Variants in COL6A3 observed in about 807,000 individuals in gnomAD.
The protein encoded by COL6A3 is collagen type VI alpha 3 chain.
A neutral mutation model predicts 274.1 loss-of-function variants in COL6A3; 137 were observed. The observed-to-expected ratio is 0.50, with a 90% confidence interval of 0.44 to 0.58. COL6A3 has a LOEUF of 0.58. Ranked by LOEUF, COL6A3 falls within the 20% of genes least tolerant of loss-of-function variation. The pLI, the probability that COL6A3 is intolerant of heterozygous loss-of-function variation, is 0.00. For missense variants in COL6A3, 3,950 were observed against 4,124.9 expected, an observed-to-expected ratio of 0.96 and a Z score of 1.16; for synonymous variants, 1,650 against 1,650.6, an observed-to-expected ratio of 1.00 and a Z score of 0.01.
intron 36 of COL6A3, 113 bp from the exon 37 acceptor site, chr2:237,342,274 TA>T: frequency 1.2e-6 from 1 of 810,304 alleles, no homozygotes; most frequent in South Asian, 1.5e-5. Flanking sequence ...AACTTCCCAA[TA>T]GGGCAGTATT....
chr2:237,371,710 A>G lies in COL6A3; in HGVS notation c.4285+22T>C. The G allele has an allele frequency of 1.3e-6, 2 of 1,562,206 alleles. No homozygotes were observed. The highest frequency in any genetic ancestry group is 1.7e-6 in the Non-Finnish European group (2 of 1,155,016). Reference sequence around the variant, plus strand: ...TCATATGGAAAATGCTCCAAGGAGAACCTCCGACGCCCCCATCTCACCTGG... The same window carrying G: ...TCATATGGAAAATGCTCCAAGGAGAGCCTCCGACGCCCCCATCTCACCTGG... On this transcript the variant is annotated intron_variant, in intron 9 of 43. Transcript: ENST00000295550. This position sits in a 1 kb window ranked among gnomAD's most constrained non-coding sequence, Gnocchi z 4.3.
intron 26 of COL6A3, among the ~76,000 whole-genome samples, chr2:237,351,711 C>T (rs2077210221): frequency 6.6e-6 from 1 of 152,212 alleles, no homozygotes; most frequent in Admixed American, 6.5e-5. Context: ...TACTGGATAA[C>T]TATTTGAATA....
chr2:237,380,275 C>A (rs1325072863), intron 5 of COL6A3, among the ~76,000 whole-genome samples: 1 of 152,216 alleles, frequency 6.6e-6, no homozygotes, highest in Admixed American at 6.5e-5. Context: ...ATCTTCTCTT[C>A]ATTAAGGGCA....
chr2:237,344,841 G>A lies in COL6A3; in HGVS notation c.7177C>T (p.Pro2393Ser), dbSNP rs778720252. ...IKDKCPCCYG[P>S]LECPVFPTEL... is the part of the protein sequence containing the mutation. Reference sequence around the variant, plus strand: ...GTTGGGAAGACGGGGCACTCCAGGGGCCCTGTGGAAAGTAGAGGGTGGAGG... The same window carrying A: ...GTTGGGAAGACGGGGCACTCCAGGGACCCTGTGGAAAGTAGAGGGTGGAGG... The change falls in exon 36 of 44, where the codon CCC (proline) becomes TCC (serine). Residue 2393 changes from proline to serine, a missense_variant and splice_region_variant. By Grantham distance (74) the Pro-to-Ser change is moderately conservative (BLOSUM62 -1). This residue lies in a region of COL6A3 where 1,284 missense variants were observed against 1,349.7 expected (regional missense o/e 0.95). Transcript: ENST00000295550. This position sits in a 1 kb window ranked among gnomAD's most constrained non-coding sequence, Gnocchi z 4.8. 14 of 1,613,216 alleles carry A rather than the reference G, an allele frequency of 8.7e-6. No homozygotes were observed. The highest frequency in any genetic ancestry group is 1.7e-5 in the Admixed American group (1 of 60,004).
chr2:237,351,604 A>T (rs189679679), intron 26 of COL6A3, among the ~76,000 whole-genome samples: 335 of 152,340 alleles, frequency 2.2e-3, no homozygotes, highest in African/African-American at 7.6e-3. Context: ...AAACTGATGG[A>T]TGAAATTAAC....
intron 19 of COL6A3, 42 bp from the exon 20 acceptor site, chr2:237,359,130 C>G (rs1255615060): frequency 6.2e-7 from 1 of 1,613,810 alleles, no homozygotes. Flanking sequence ...GCTGCAATTT[C>G]TATCACAGAC....
chr2:237,326,396 G>A (rs1395393478), intron 42 of COL6A3: 1 of 152,166 alleles, frequency 6.6e-6, no homozygotes, highest in Non-Finnish European at 1.5e-5. Context: ...CTATTTTGAA[G>A]ACAGAGAAGC....
At position 237,368,568 on chromosome 2, in the gene COL6A3, C is replaced by A. The variant is rs111231885; in HGVS notation, c.4895G>T (p.Arg1632Leu). The A allele has an allele frequency of 6.2e-7, 1 of 1,614,032 alleles. No homozygotes were observed. Among genetic ancestry groups the A allele is most frequent in the Non-Finnish European group, 8.5e-7 (1 of 1,179,978 alleles). Residue 1632 changes from arginine to leucine, a missense_variant, in exon 10 of 44, where the codon CGG becomes CTG. Physicochemically the swap from Arg to Leu is moderately radical, Grantham distance 102. Around this residue, in one of 5 missense-constraint regions of COL6A3, gnomAD observed 632 missense variants for 623.4 expected, o/e 1.01. Coordinates refer to ENST00000295550, the MANE Select transcript of COL6A3 (RefSeq NM_004369.4). This position sits in a 1 kb window ranked among gnomAD's most constrained non-coding sequence, Gnocchi z 4.4. ...ATGGGTCACACGGTGCATACCTGGCCGTGAAGGAGGAGGGGTGTCCACCCC... is the reference window on the plus strand; with the variant it reads ...ATGGGTCACACGGTGCATACCTGGCAGTGAAGGAGGAGGGGTGTCCACCCC... ...PPGVDTPPPS[R>L]PEKKKADIVF...
Position 237,378,798 on chromosome 2 carries a change from T to C in COL6A3, c.2335A>G (p.Ser779Gly). 6.2e-7 allele frequency: 1 copy of C among 1,614,234 alleles called. No individual in the cohort carries two copies. The change falls in exon 6 of 44, where the codon AGC (serine) becomes GGC (glycine). Residue 779 changes from serine (S) to glycine (G), a missense_variant. Ser to Gly is a moderately conservative substitution (Grantham distance 56, BLOSUM62 0). Coordinates refer to ENST00000295550, the MANE Select transcript of COL6A3 (RefSeq NM_004369.4). ...TCAAGCTCTGCCTTATTCGCCTGGC[T>C]AGCTCCCACACAAAAAGTCAGGATG... ...AGILTFCVGA[S>G]QANKAELEQI... is the part of the protein sequence containing the mutation.
At chr2:237,377,705 C>G (rs1055179997) in intron 6 of COL6A3, among the ~76,000 whole-genome samples, 2 of 151,830 alleles carry the variant, frequency 1.3e-5, no homozygotes, top group Non-Finnish European at 2.9e-5. Flanking sequence ...GAAAACATGG[C>G]CCTTAATATA....
chr2:237,391,201 G>T (rs1174637768), intron 3 of COL6A3, among the ~76,000 whole-genome samples: 1 of 152,196 alleles, frequency 6.6e-6, no homozygotes, highest in African/African-American at 2.4e-5. Context: ...AGCGGGACGT[G>T]GTACTAGGAG....
rs398124129 is a variant in COL6A3, at chr2:237,354,904, C to A, written c.6622G>T (p.Ala2208Ser). ...GGGCACTGCATGAGGCTCACCTTAG[C>A]TCCGGGGGGTCCCCTTCGGCCAAAG... ...GGFGRRGPPG[A>S]KGNKGGPGQP... The change falls in exon 24 of 44, where the codon GCT becomes TCT. Residue 2208 changes from alanine (A) to serine (S), a missense_variant. Ala to Ser is a moderately conservative substitution (Grantham distance 99, BLOSUM62 1). This residue lies in a region of COL6A3 where 1,284 missense variants were observed against 1,349.7 expected (regional missense o/e 0.95). Transcript: ENST00000295550. The A allele has an allele frequency of 8.7e-6, 14 of 1,613,838 alleles. No homozygotes were observed. The highest frequency in any genetic ancestry group is 1.2e-5 in the Non-Finnish European group (14 of 1,179,900).
intron 20 of COL6A3, 147 bp from the exon 21 acceptor site, chr2:237,358,730 T>C (rs1161661297): frequency 2.4e-6 from 2 of 823,666 alleles, no homozygotes; most frequent in Non-Finnish European, 4.1e-6. Flanking sequence ...CACTTCCACA[T>C]ATTTTTCATT....
Position 237,365,992 on chromosome 2 carries a change from G to T in COL6A3, c.5544C>A (p.Asp1848Glu), listed in dbSNP as rs531282669. 9.4e-5 allele frequency: 151 copies of T among 1,613,814 alleles called. No homozygotes were observed. The highest frequency in any genetic ancestry group is 1.2e-4 in the Non-Finnish European group (143 of 1,180,034). ...CCTTCTGGGCCACAAAAACATTCTG[G>T]TCTCTAGAACCATCAAACCCCAGAA... Reference protein sequence around the residue: ...DVILGFDGSRDQNVFVAQKGF... With the variant: ...DVILGFDGSREQNVFVAQKGF... The change falls in exon 12 of 44, where the codon GAC becomes GAA. Residue 1848 changes from aspartate (D) to glutamate (E), a missense_variant. Coordinates refer to ENST00000295550, the MANE Select transcript of COL6A3 (RefSeq NM_004369.4).
At chr2:237,335,382 T>C (rs757903120) in intron 40 of COL6A3, among the ~76,000 whole-genome samples, 8 of 152,228 alleles carry the variant, frequency 5.3e-5, no homozygotes, top group Non-Finnish European at 5.9e-5. Flanking sequence ...AGTATCTTCT[T>C]TAGGAAAATG....
chr2:237,408,838 GAGA>G (rs940063008), intron 1 of COL6A3, among the ~76,000 whole-genome samples: 3 of 152,180 alleles, frequency 2.0e-5, no homozygotes, highest in South Asian at 4.1e-4. Flanking sequence ...TTGCCTTTGG[GAGA>G]AGGTTTGGCA....
At chr2:237,325,435 A>T (rs1699887964) in intron 43 of COL6A3, 125 bp downstream of exon 43, 7 of 1,108,822 alleles carry the variant, frequency 6.3e-6, no homozygotes, top group Non-Finnish European at 9.5e-6. Flanking sequence ...TCCTTATCTG[A>T]GGATACACTT....
At position 237,367,068 on chromosome 2, in the gene COL6A3, T is replaced by G. The variant is rs890722857; in HGVS notation, c.5119A>C (p.Asn1707His). Reference protein sequence around the residue: ...STKRQIIDAINKVVYKGGRHA... With the variant: ...STKRQIIDAIHKVVYKGGRHA... ...CTTCCCCCTTTGTAGACCACTTTGT[T>G]GATGGCGTCAATAATCTGCCTCTTG... Residue 1707 changes from asparagine to histidine, a missense_variant, in exon 11 of 44, where the codon AAC becomes CAC. Asn to His is a moderately conservative substitution (Grantham distance 68). This residue lies in a region of COL6A3 where 632 missense variants were observed against 623.4 expected (regional missense o/e 1.01). Transcript: ENST00000295550. 2 of 1,614,268 alleles carry G rather than the reference T, an allele frequency of 1.2e-6. No individual in the cohort carries two copies. Among genetic ancestry groups the G allele is most frequent in the South Asian group, 2.2e-5 (2 of 91,086 alleles).
intron 1 of COL6A3, among the ~76,000 whole-genome samples, chr2:237,406,478 G>A (rs539106221): frequency 5.0e-4 from 76 of 152,290 alleles, no homozygotes; most frequent in African/African-American, 1.7e-3. Flanking sequence ...AATGGGAGCA[G>A]TGGAAATAGT....
Sources: gnomAD v4.1 joint callset for allele counts (sites outside exome capture counted in the v4.1 genomes callset) on GRCh38, gnomAD v4.1.1 for gene constraint, gnomAD v4.1.1 regional missense constraint, Gnocchi (gnomAD v3.1) non-coding constraint, MANE v1.5 for transcripts, NCBI Gene and HGNC (gene_info 2026-07-23, HGNC 2026-07-21) for gene names.